The following FBXW11 variants were observed in gnomAD, a reference collection of about 807,000 sequenced individuals.
FBXW11 encodes the protein F-box and WD repeat domain containing 11, also known as F-box/WD repeat-containing protein 11.
In FBXW11, 19 loss-of-function variants were observed where a neutral mutation model predicts 77.6. The ratio of observed to expected loss-of-function variants is 0.24; its 90% CI spans 0.17 to 0.36. The LOEUF (loss-of-function observed/expected upper bound fraction) is 0.36. Ranked by LOEUF, FBXW11 falls within the 10% of genes least tolerant of loss-of-function variation. The probability of loss-of-function intolerance (pLI) is 1.00; values close to 1 mark genes in which losing one functional copy is unlikely to be tolerated. For missense variants in FBXW11, 334 were observed against 704.2 expected, an observed-to-expected ratio of 0.47 and a Z score of 5.95; for synonymous variants, 235 against 249.4, an observed-to-expected ratio of 0.94 and a Z score of 0.54.
intron 4 of FBXW11, among the ~76,000 whole-genome samples, chr5:171,903,583 A>G (rs1760280947): frequency 6.6e-6 from 1 of 152,154 alleles, no homozygotes; most frequent in Non-Finnish European, 1.5e-5. Flanking sequence ...TAACAGACTT[A>G]GCTCTTTCAA....
At chr5:171,929,922 A>G (rs1408957469) in intron 2 of FBXW11, among the ~76,000 whole-genome samples, 1 of 152,204 alleles carries the variant, frequency 6.6e-6, no homozygotes, top group Non-Finnish European at 1.5e-5. Context: ...CAGGACACAA[A>G]GACTGACAAA....
intron 2 of FBXW11, among the ~76,000 whole-genome samples, chr5:171,948,535 C>G (rs1053491638): frequency 6.6e-6 from 1 of 151,876 alleles, no homozygotes; most frequent in African/African-American, 2.4e-5. Context: ...CCCAGGAGTT[C>G]GAGACCAGTC....
chr5:171,898,304 C>T (rs1055696447), intron 6 of FBXW11, among the ~76,000 whole-genome samples: 2 of 152,030 alleles, frequency 1.3e-5, no homozygotes, highest in Admixed American at 6.6e-5. Flanking sequence ...AGTTTTCTGC[C>T]AAGGAGGAAA....
chr5:171,891,747 C>T (rs1048589380), intron 6 of FBXW11, 143 bp from the exon 7 acceptor site: 3 of 726,978 alleles, frequency 4.1e-6, no homozygotes, highest in Non-Finnish European at 6.3e-6. Flanking sequence ...TAGGATCATG[C>T]TCTTTTCCAA....
chr5:171,952,238 C>T (rs1763357139), intron 2 of FBXW11, among the ~76,000 whole-genome samples: 1 of 150,986 alleles, frequency 6.6e-6, no homozygotes, highest in Non-Finnish European at 1.5e-5. Flanking sequence ...GGAAGTAAGG[C>T]CCTAAAATAG....
intron 1 of FBXW11, among the ~76,000 whole-genome samples, chr5:171,973,351 A>G (rs893847759): frequency 6.6e-6 from 1 of 152,254 alleles, no homozygotes; most frequent in African/African-American, 2.4e-5. Flanking sequence ...ATAGATTCAA[A>G]GAGATATAAG....
intron 2 of FBXW11, among the ~76,000 whole-genome samples, chr5:171,937,854 G>T (rs1403800037): frequency 1.5e-5 from 2 of 135,326 alleles, no homozygotes. Flanking sequence ...AAAAAAAAAA[G>T]GAAAATTTAA....
chr5:171,969,119 T>C (rs998783738), intron 1 of FBXW11, among the ~76,000 whole-genome samples: 4 of 151,518 alleles, frequency 2.6e-5, no homozygotes, highest in South Asian at 2.1e-4. Flanking sequence ...AAAACAAAAA[T>C]TAGCCAGGCG....
chr5:171,914,486 C>T, intron 2 of FBXW11, 81 bp from the exon 3 acceptor site: 1 of 1,244,412 alleles, frequency 8.0e-7, no homozygotes, highest in Non-Finnish European at 1.1e-6. Flanking sequence ...TTTTGAAAAC[C>T]CAAACTAGAG....
rs531234435 is a variant in FBXW11, at chr5:171,898,892, T to A, written c.714+112A>T. ...CATTTACTCCAAAAGCTCAACTTTT[T>A]AAAAAAAATTATTAGTTCTACGATT... On this transcript the variant is annotated intron_variant, in intron 6 of 13. Transcript: ENST00000517395. 9.5e-5 allele frequency: 54 copies of A among 571,314 alleles called. No individual in the cohort carries two copies. In the South Asian group the frequency reaches 1.1e-3, roughly 12 times the overall value. 35.4% of individuals were successfully genotyped at this position (571,314 alleles called of 1,614,324 possible).
intron 2 of FBXW11, among the ~76,000 whole-genome samples, chr5:171,932,869 C>T (rs1417258868): frequency 6.7e-6 from 1 of 149,702 alleles, no homozygotes; most frequent in Admixed American, 6.7e-5. Context: ...CATGTAATCC[C>T]AGCACTTTGG....
chr5:171,972,664 C>T (rs1282708924), intron 1 of FBXW11, among the ~76,000 whole-genome samples: 3 of 151,938 alleles, frequency 2.0e-5, no homozygotes, highest in Non-Finnish European at 2.9e-5. Flanking sequence ...CCTGCCTCAG[C>T]CTCCCAAGTA....
At chr5:171,949,967 G>C (rs149491899) in intron 2 of FBXW11, among the ~76,000 whole-genome samples, 1 of 152,098 alleles carries the variant, frequency 6.6e-6, no homozygotes, top group Non-Finnish European at 1.5e-5. Context: ...AATAATCACA[G>C]AAGTATACAA....
At chr5:172,005,202 C>A (rs1230943236) in intron 1 of FBXW11, among the ~76,000 whole-genome samples, 1 of 152,192 alleles carries the variant, frequency 6.6e-6, no homozygotes, top group African/African-American at 2.4e-5. Flanking sequence ...CATTTTCACA[C>A]TGAAGAAAAT....
chr5:171,974,404 A>G (rs1764699699), intron 1 of FBXW11, among the ~76,000 whole-genome samples: 1 of 151,306 alleles, frequency 6.6e-6, no homozygotes, highest in Non-Finnish European at 1.5e-5. Context: ...ATCGCACTCC[A>G]CCCTGGATGA....
Position 171,967,883 on chromosome 5 carries a change from TAC to T in FBXW11, c.46-10187_46-10186del, listed in dbSNP as rs59469025. 3.9e-3 allele frequency among the ~76,000 whole-genome samples: 293 copies of T among 74,890 alleles called. 4 individuals carry two copies. The highest frequency in any genetic ancestry group is 0.014 in the African/African-American group (243 of 16,820). 49.1% of individuals were successfully genotyped at this position (74,890 alleles called of 152,430 possible). ...ATATATATATATATATATATATATA[TAC>T]ACACACACACACACACACACACACA... On this transcript the variant is annotated intron_variant, in intron 1 of 13. Transcript: ENST00000517395.
intron 1 of FBXW11, among the ~76,000 whole-genome samples, chr5:171,990,441 G>A (rs1490386694): frequency 6.6e-6 from 1 of 152,196 alleles, no homozygotes; most frequent in Admixed American, 6.5e-5. Flanking sequence ...GGAGGGCAAT[G>A]TGGCAATGTC....
intron 1 of FBXW11, among the ~76,000 whole-genome samples, chr5:172,000,955 CAA>C (rs1766378547): frequency 2.0e-5 from 3 of 152,252 alleles, no homozygotes; most frequent in African/African-American, 7.2e-5. Context: ...CCAACTGATG[CAA>C]AAAGTATTCA....
At chr5:171,983,036 A>G (rs1408562421) in intron 1 of FBXW11, among the ~76,000 whole-genome samples, 1 of 152,126 alleles carries the variant, frequency 6.6e-6, no homozygotes, top group African/African-American at 2.4e-5. Flanking sequence ...CCTGGTCTAT[A>G]CAAAAAAATG....
Sources: gnomAD v4.1 joint callset for allele counts (sites outside exome capture counted in the v4.1 genomes callset) on GRCh38, gnomAD v4.1.1 for gene constraint, MANE v1.5 for transcripts, NCBI Gene and HGNC (gene_info 2026-07-23, HGNC 2026-07-21) for gene names.